The following HEATR1 variants were observed in gnomAD, a reference collection of about 807,000 sequenced individuals.
The protein encoded by HEATR1 is HEAT repeat-containing protein 1.
A neutral mutation model predicts 248.2 loss-of-function variants in HEATR1; 77 were observed. The ratio of observed to expected loss-of-function variants is 0.31; its 90% CI spans 0.26 to 0.37. HEATR1 has a LOEUF of 0.37. Among genes scored for constraint, HEATR1 ranks in the 10% least tolerant of loss-of-function variants. The pLI, the probability that HEATR1 is intolerant of heterozygous loss-of-function variation, is 1.00. For synonymous variants in HEATR1, 897 were observed against 923.1 expected (o/e 0.97, Z 0.51); for missense variants, 2,420 against 2,504.9 (o/e 0.97, Z 0.72).
At chr1:236,574,403 C>A in intron 23 of HEATR1, 70 bp from the exon 24 acceptor site, 2 of 1,479,910 alleles carry the variant, frequency 1.4e-6, no homozygotes, top group South Asian at 2.5e-5. Context: ...ATTTTTATAT[C>A]AACCTCTCTC....
chr1:236,554,506 C>T, intron 42 of HEATR1, 92 bp downstream of exon 42: 1 of 1,147,288 alleles, frequency 8.7e-7, no homozygotes, highest in Non-Finnish European at 1.2e-6. Context: ...AAAGAAAAAT[C>T]CTAGCAAGCT....
chr1:236,579,861 T>G (rs1482446812), intron 20 of HEATR1, among the ~76,000 whole-genome samples: 1 of 152,028 alleles, frequency 6.6e-6, no homozygotes, highest in East Asian at 1.9e-4. Context: ...GAGGAATTGT[T>G]CAGGGAAAAG....
intron 3 of HEATR1, among the ~76,000 whole-genome samples, chr1:236,600,281 C>T (rs1368004575): frequency 2.0e-5 from 3 of 151,336 alleles, no homozygotes; most frequent in Non-Finnish European, 4.4e-5. Flanking sequence ...CTCATACCAC[C>T]ATGCCCAGCT....
At chr1:236,585,726 T>G (rs10925167) in intron 16 of HEATR1, 94 bp downstream of exon 16, 1 of 1,248,260 alleles carries the variant, frequency 8.0e-7, no homozygotes, top group East Asian at 2.5e-5. Context: ...ATAAAAGAAA[T>G]TTTTTTTAAG....
At chr1:236,598,762 C>A (rs915082983) in intron 4 of HEATR1, among the ~76,000 whole-genome samples, 2 of 152,194 alleles carry the variant, frequency 1.3e-5, no homozygotes, top group African/African-American at 4.8e-5. Flanking sequence ...GCCTCGTGAT[C>A]TGTTAGCTTA....
chr1:236,599,853 C>A (rs1420424181), intron 3 of HEATR1, among the ~76,000 whole-genome samples: 1 of 152,180 alleles, frequency 6.6e-6, no homozygotes, highest in Non-Finnish European at 1.5e-5. Flanking sequence ...GAATATTCTA[C>A]ATCAAAATAT....
At chr1:236,576,649 G>T in intron 21 of HEATR1, 131 bp downstream of exon 21, 1 of 798,682 alleles carries the variant, frequency 1.3e-6, no homozygotes, top group Non-Finnish European at 1.9e-6. Context: ...TACAGATATT[G>T]ACCTATCAGT....
chr1:236,577,744 T>C (rs1479543876), intron 20 of HEATR1, among the ~76,000 whole-genome samples: 2 of 152,294 alleles, frequency 1.3e-5, no homozygotes, highest in African/African-American at 4.8e-5. Flanking sequence ...CACCTCGGCC[T>C]CCCAAAGTGC....
rs1317256006 is a variant in HEATR1, at chr1:236,558,516, A to G, written c.4925T>C (p.Leu1642Pro). 6.2e-7 allele frequency: 1 copy of G among 1,612,124 alleles called. No individual in the cohort carries two copies. Among genetic ancestry groups the G allele is most frequent in the East Asian group, 2.2e-5 (1 of 44,854 alleles). Reference sequence around the variant, plus strand: ...GGCCAAAAGGTCTGGAACCAGTTTTAGGAAACGGGTAACCTGAAGGGGACA... The same window carrying G: ...GGCCAAAAGGTCTGGAACCAGTTTTGGGAAACGGGTAACCTGAAGGGGACA... The part of the protein sequence containing the change: ...SWKKTIVTRF[L>P]KLVPDLLAIV... Residue 1642 changes from leucine to proline, a missense_variant, in exon 36 of 45, where the codon CTA becomes CCA. Coordinates refer to ENST00000366582, the MANE Select transcript of HEATR1 (RefSeq NM_018072.6).
chr1:236,595,474 G>A, intron 8 of HEATR1, 66 bp downstream of exon 8: 2 of 1,304,800 alleles, frequency 1.5e-6, no homozygotes, highest in Non-Finnish European at 2.1e-6. Context: ...TGTTAACCAG[G>A]ATATGGTTAC....
rs368920183 is a variant in HEATR1, at chr1:236,558,535, G to C, written c.4912-6C>G. On this transcript the variant is annotated splice_region_variant and splice_polypyrimidine_tract_variant and intron_variant, in intron 35 of 44. Transcript: ENST00000366582. ...AGTTTTAGGAAACGGGTAACCTGAA[G>C]GGGACAGCCAGAATCCCCAAATCAT... 6.2e-7 allele frequency: 1 copy of C among 1,603,968 alleles called. No homozygotes were observed. Among genetic ancestry groups the C allele is most frequent in the Non-Finnish European group, 8.5e-7 (1 of 1,173,780 alleles).
In HEATR1 at chr1:236,592,587, C is replaced by A. The variant is rs866515557; in HGVS notation, c.1240G>T (p.Asp414Tyr). ...YISYSSQEEM[D>Y]SNKVSLLNEQ... is the part of the protein sequence containing the mutation. ...TTAAGCAAAGACACTTTATTAGAAT[C>A]CATTTCTTCCTGTGAACTATATGAA... Residue 414 changes from aspartate (D) to tyrosine (Y), a missense_variant, in exon 10 of 45, where the codon GAT (aspartate) becomes TAT (tyrosine). Transcript: ENST00000366582. 6.5e-7 allele frequency: 1 copy of A among 1,528,468 alleles called. No individual in the cohort carries two copies. The highest frequency in any genetic ancestry group is 1.7e-5 in the Admixed American group (1 of 58,974). The allele number at this position is 1,528,468 out of a possible 1,614,324, so 94.7% of individuals were successfully genotyped here.
At chr1:236,595,245 C>G (rs1329820850) in intron 8 of HEATR1, among the ~76,000 whole-genome samples, 1 of 152,010 alleles carries the variant, frequency 6.6e-6, no homozygotes, top group Non-Finnish European at 1.5e-5. Context: ...AAGGTTTACT[C>G]AGTAATAAAT....
At chr1:236,594,217 C>G in intron 8 of HEATR1, 103 bp from the exon 9 acceptor site, 1 of 655,022 alleles carries the variant, frequency 1.5e-6, no homozygotes, top group African/African-American at 1.8e-5. Context: ...ATAAAACACA[C>G]ACACTGATAT....
Position 236,554,698 on chromosome 1 carries a change from T to A in HEATR1, c.5978A>T (p.Gln1993Leu). The change falls in exon 42 of 45, where the codon CAG (glutamine) becomes CTG (leucine). Residue 1993 changes from glutamine to leucine, a missense_variant. Transcript: ENST00000366582. Reference sequence around the variant, plus strand: ...TTTGTATAAACAGTTCAAAATAAACTGCAACAGCAAGCAGCACTTTTCAGG... The same window carrying A: ...TTTGTATAAACAGTTCAAAATAAACAGCAACAGCAAGCAGCACTTTTCAGG... ...NDPEKCCLLL[Q>L]FILNCLYKIF... The A allele has an allele frequency of 6.2e-7, 1 of 1,613,486 alleles. No individual in the cohort carries two copies. The highest frequency in any genetic ancestry group is 1.1e-5 in the South Asian group (1 of 90,856).
Position 236,555,564 on chromosome 1 carries a change from G to A in HEATR1, c.5741C>T (p.Pro1914Leu). The change falls in exon 40 of 45, where the codon CCC becomes CTC. Residue 1914 changes from proline to leucine, a missense_variant. Coordinates refer to ENST00000366582, the MANE Select transcript of HEATR1 (RefSeq NM_018072.6). ...AGAAAGCGTCACCTTGAAGAACAGG[G>A]GCCTGAATGTGACCTCGGAAAGTTT... ...VVKLSEVTFRPLFFKLFDWAK... is the reference protein window; with the variant it reads ...VVKLSEVTFRLLFFKLFDWAK... 6.2e-7 allele frequency: 1 copy of A among 1,614,110 alleles called. No individual in the cohort carries two copies. Among genetic ancestry groups the A allele is most frequent in the Non-Finnish European group, 8.5e-7 (1 of 1,180,008 alleles).
chr1:236,578,786 A>C (rs1663633916), intron 20 of HEATR1, among the ~76,000 whole-genome samples: 1 of 152,170 alleles, frequency 6.6e-6, no homozygotes. Context: ...GTTTTAAATA[A>C]AGAATCTGGA....
intron 28 of HEATR1, among the ~76,000 whole-genome samples, chr1:236,569,461 A>AT (rs1277319373): frequency 2.0e-5 from 3 of 152,170 alleles, no homozygotes; most frequent in Non-Finnish European, 4.4e-5. Flanking sequence ...TCAGGCTAAC[A>AT]TTTTCCATTT....
intron 14 of HEATR1, 135 bp downstream of exon 14, chr1:236,587,267 G>C (rs983432669): frequency 5.0e-6 from 2 of 401,420 alleles, no homozygotes; most frequent in Non-Finnish European, 9.2e-6. Flanking sequence ...GAGTATTACA[G>C]TAAGATCTGT....
Sources: allele counts gnomAD v4.1 joint callset (sites outside exome capture counted in the v4.1 genomes callset), GRCh38; gene constraint gnomAD v4.1.1; transcripts MANE v1.5; gene names NCBI Gene and HGNC (gene_info 2026-07-23, HGNC 2026-07-21).